Variants in LRBA observed in about 807,000 individuals in gnomAD.
LRBA encodes lipopolysaccharide-responsive and beige-like anchor protein.
Under a neutral mutation model 330.0 loss-of-function variants are expected in LRBA, and 176 were observed. The ratio of observed to expected loss-of-function variants is 0.53; its 90% CI spans 0.47 to 0.60. The LOEUF (loss-of-function observed/expected upper bound fraction) is 0.60. LRBA is among the 20% of genes least tolerant of loss of function. The probability of loss-of-function intolerance (pLI) is 0.00; values close to 1 mark genes in which losing one functional copy is unlikely to be tolerated. For synonymous variants in LRBA, 1,230 were observed against 1,193.0 expected (o/e 1.03, Z -0.64); for missense variants, 3,259 against 3,444.8 (o/e 0.95, Z 1.35).
chr4:150,706,241 T>G (rs1785605578), intron 36 of LRBA, among the ~76,000 whole-genome samples: 1 of 151,844 alleles, frequency 6.6e-6, no homozygotes, highest in East Asian at 1.9e-4. Flanking sequence ...TTGATTAATA[T>G]GCTAGCTTGA....
rs546781978 is a variant in LRBA, at chr4:150,715,413, G to T, written c.5754+19845C>A. Among the ~76,000 whole-genome samples the T allele has an allele frequency of 3.9e-4, 59 of 152,210 alleles. 1 individual carries two copies. In the South Asian group the frequency reaches 0.011, roughly 29 times the overall value. On this transcript the variant is annotated intron_variant, in intron 36 of 56. Transcript: ENST00000651943. ...AATTAAGAATTAAAAAGAAAGTGTG[G>T]CTATGTGCAAAGATGTAATAAATAA...
chr4:150,836,582 T>C (rs1297782678), intron 28 of LRBA, among the ~76,000 whole-genome samples: 1 of 152,226 alleles, frequency 6.6e-6, no homozygotes, highest in East Asian at 1.9e-4. Context: ...TTTATTTGCA[T>C]AGAGGTGTTT....
intron 40 of LRBA, among the ~76,000 whole-genome samples, chr4:150,514,989 T>G (rs566629084): frequency 2.6e-5 from 4 of 152,198 alleles, no homozygotes; most frequent in Non-Finnish European, 5.9e-5. Context: ...AAACTACCGT[T>G]GAAAAAAATT....
chr4:150,272,390 A>T (rs1282737004), intron 56 of LRBA, among the ~76,000 whole-genome samples: 2 of 152,176 alleles, frequency 1.3e-5, no homozygotes, highest in Non-Finnish European at 2.9e-5. Flanking sequence ...AAAAAGCTGA[A>T]AATTGCAAAA....
At chr4:150,812,743 T>C (rs1743933579) in intron 31 of LRBA, among the ~76,000 whole-genome samples, 1 of 152,178 alleles carries the variant, frequency 6.6e-6, no homozygotes, top group Admixed American at 6.6e-5. Context: ...TAGTAAGTGG[T>C]AGAATTACTA....
At chr4:150,817,336 T>G in intron 30 of LRBA, 79 bp from the exon 31 acceptor site, 1 of 1,279,854 alleles carries the variant, frequency 7.8e-7, no homozygotes, top group Non-Finnish European at 1.1e-6. Context: ...AAACAGAAAC[T>G]AGGTAGCTAA....
intron 31 of LRBA, among the ~76,000 whole-genome samples, chr4:150,811,783 G>C (rs900482669): frequency 6.6e-6 from 1 of 152,088 alleles, no homozygotes; most frequent in East Asian, 1.9e-4. Context: ...GGGACTACAG[G>C]TGTAAATCAC....
At chr4:150,493,823 C>A (rs1192890392) in intron 40 of LRBA, among the ~76,000 whole-genome samples, 1 of 152,110 alleles carries the variant, frequency 6.6e-6, no homozygotes, top group Admixed American at 6.6e-5. Context: ...AAAACAAGAG[C>A]CAGGGCCAGT....
At chr4:150,964,804 C>T (rs1468480274) in intron 2 of LRBA, among the ~76,000 whole-genome samples, 1 of 151,508 alleles carries the variant, frequency 6.6e-6, no homozygotes, top group Non-Finnish European at 1.5e-5. Flanking sequence ...CTGAGAAACA[C>T]CCAAGAATGA....
At chr4:150,444,935 G>A (rs1304630305) in intron 44 of LRBA, among the ~76,000 whole-genome samples, 1 of 151,996 alleles carries the variant, frequency 6.6e-6, no homozygotes, top group Non-Finnish European at 1.5e-5. Context: ...ATCTCATTTT[G>A]AGAAAATCAC....
At chr4:150,882,963 G>A (rs752358713) in intron 17 of LRBA, among the ~76,000 whole-genome samples, 7 of 152,094 alleles carry the variant, frequency 4.6e-5, no homozygotes, top group Non-Finnish European at 1.0e-4. Context: ...GTCATTTGAT[G>A]AAAATTAAAT....
chr4:150,828,672 A>G, intron 29 of LRBA, 51 bp from the exon 30 acceptor site: 1 of 1,467,634 alleles, frequency 6.8e-7, no homozygotes, highest in Non-Finnish European at 9.3e-7. Context: ...GTTTAGAACT[A>G]ATTTTTAAAA....
chr4:150,713,129 T>A (rs1786401082), intron 36 of LRBA, among the ~76,000 whole-genome samples: 1 of 151,944 alleles, frequency 6.6e-6, no homozygotes, highest in South Asian at 2.1e-4. Flanking sequence ...AGAGATGGGG[T>A]CTTGCTATAT....
At chr4:150,795,431 G>A (rs1740647597) in intron 34 of LRBA, among the ~76,000 whole-genome samples, 1 of 152,004 alleles carries the variant, frequency 6.6e-6, no homozygotes, top group African/African-American at 2.4e-5. Context: ...CCTGAAGAAT[G>A]TAAGCAGTCT....
At chr4:150,347,094 G>A (rs1053227634) in intron 48 of LRBA, among the ~76,000 whole-genome samples, 7 of 152,124 alleles carry the variant, frequency 4.6e-5, no homozygotes, top group African/African-American at 9.7e-5. Flanking sequence ...AAGATATTAC[G>A]CTAAGTAAAA....
intron 47 of LRBA, among the ~76,000 whole-genome samples, chr4:150,352,426 G>A (rs1256135889): frequency 6.6e-6 from 1 of 151,986 alleles, no homozygotes; most frequent in Non-Finnish European, 1.5e-5. Context: ...ATATAATTTT[G>A]TAAACAAAAC....
In LRBA at chr4:150,852,765, C is replaced by G; in HGVS notation, c.2945G>C (p.Cys982Ser). 1 of 1,613,962 alleles carries G rather than the reference C, an allele frequency of 6.2e-7. No homozygotes were observed. The highest frequency in any genetic ancestry group is 1.6e-4 in the Middle Eastern group (1 of 6,062). ...QQPDTKDSPV[C>S]PHFTTNGNEN... Reference sequence around the variant, plus strand: ...ATTACCATTTGTGGTGAAATGAGGACAGACAGGAGAATCCTTCGTATCTGG... The same window carrying G: ...ATTACCATTTGTGGTGAAATGAGGAGAGACAGGAGAATCCTTCGTATCTGG... The change falls in exon 23 of 57, where the codon TGT becomes TCT. Residue 982 changes from cysteine (C) to serine (S), a missense_variant. By Grantham distance (112) the Cys-to-Ser change is moderately radical. Transcript: ENST00000651943.
At position 150,850,822 on chromosome 4, in the gene LRBA, A is replaced by C; in HGVS notation, c.3906T>G (p.Thr1302=). Residue 1302 remains threonine, a synonymous_variant, in exon 24 of 57, where the codon ACT becomes ACG. Transcript: ENST00000651943. ...AGTTGAACTCAGGAATACGAAACAC[A>C]GTAGATCTGGAATCCCTCCTTTGTC... The part of the protein sequence containing the change: ...VNGQRRDSRS[T]VFRIPEFNWS... The C allele has an allele frequency of 6.2e-7, 1 of 1,613,898 alleles. No individual in the cohort carries two copies. Among genetic ancestry groups the C allele is most frequent in the Non-Finnish European group, 8.5e-7 (1 of 1,179,802 alleles).
chr4:150,454,603 A>C (rs1753811401), intron 44 of LRBA, among the ~76,000 whole-genome samples: 1 of 151,824 alleles, frequency 6.6e-6, no homozygotes, highest in Admixed American at 6.6e-5. Flanking sequence ...TAAAAATTTC[A>C]ATAGCTTTAG....
Sources: allele counts gnomAD v4.1 joint callset (sites outside exome capture counted in the v4.1 genomes callset), GRCh38; gene constraint gnomAD v4.1.1; transcripts MANE v1.5; gene names NCBI Gene and HGNC (gene_info 2026-07-23, HGNC 2026-07-21).